POLE: variants seen among roughly 807,000 people sequenced by gnomAD.
POLE encodes DNA polymerase epsilon catalytic subunit A.
A neutral mutation model predicts 279.2 loss-of-function variants in POLE; 188 were observed. The observed-to-expected ratio is 0.67, with a 90% CI of 0.60 to 0.76. POLE has a LOEUF of 0.76. Among genes scored for constraint, POLE ranks in the 30% least tolerant of loss-of-function variants. The probability of loss-of-function intolerance (pLI) is 0.00; values close to 1 mark genes in which losing one functional copy is unlikely to be tolerated. For missense variants in POLE, 2,703 were observed against 3,016.7 expected (o/e 0.90, Z 2.44); for synonymous variants, 1,214 against 1,172.5 (o/e 1.04, Z -0.72).
At position 132,672,140 on chromosome 12, in the gene POLE, C is replaced by A. The variant is rs1030223015; in HGVS notation, c.1794+75G>T. 5.0e-6 allele frequency: 5 copies of A among 1,008,504 alleles called. No homozygotes were observed. In the South Asian group the frequency reaches 6.4e-5, roughly 13 times the overall value. 62.5% of individuals were successfully genotyped at this position (1,008,504 alleles called of 1,614,324 possible). On this transcript the variant is annotated intron_variant, in intron 16 of 48. Transcript: ENST00000320574. ...CCACACGCAGCAGGTGCACAATAAA[C>A]GTGCTGCTGAAAGACGTGGTCTGTG...
At chr12:132,672,575 C>G in intron 15 of POLE, 52 bp downstream of exon 15, 2 of 1,564,380 alleles carry the variant, frequency 1.3e-6, no homozygotes, top group Non-Finnish European at 1.8e-6. Context: ...GCTTCTGGGT[C>G]CTACCACAGC....
rs1555222501 is a variant in POLE, at chr12:132,642,331, AAAG to A, written c.5016_5018del (p.Phe1673del). The A allele has an allele frequency of 6.3e-7, 1 of 1,596,800 alleles. No individual in the cohort carries two copies. The highest frequency in any genetic ancestry group is 1.1e-5 in the South Asian group (1 of 88,436). On this transcript the variant is annotated inframe_deletion, in exon 38 of 49. Transcript: ENST00000320574. ...GGTTGTGGCGCTGGAGGTGGCGGGCAAAGAAGAGGTCGGAGCCGAATGTGGAGA... is the reference window on the plus strand; with the variant it reads ...GGTTGTGGCGCTGGAGGTGGCGGGCAAAGAGGTCGGAGCCGAATGTGGAGA...
In POLE at chr12:132,643,902, C is replaced by T. The variant is rs1060500845; in HGVS notation, c.4225G>A (p.Glu1409Lys). 7 of 1,614,112 alleles carry T rather than the reference C, an allele frequency of 4.3e-6. No homozygotes were observed. The highest frequency in any genetic ancestry group is 5.9e-6 in the Non-Finnish European group (7 of 1,179,996). Residue 1409 changes from glutamate (E) to lysine (K), a missense_variant, in exon 33 of 49, where the codon GAA becomes AAA. Glu to Lys is a moderately conservative substitution (Grantham distance 56). Around this residue, in one of 5 missense-constraint regions of POLE, gnomAD observed 1,551 missense variants for 1,686.1 expected, o/e 0.92. Transcript: ENST00000320574. The part of the protein sequence containing the change: ...EYSVPEDMYQ[E>K]HINEINAELS... ...TCAGCGTTGATCTCGTTGATGTGTT[C>T]CTGGTACATGTCCTCTGGCACTGAA... is the stretch of plus-strand genomic sequence containing the variant.
At position 132,642,390 on chromosome 12, in the gene POLE, G is replaced by T. The variant is rs921869509; in HGVS notation, c.4960C>A (p.His1654Asn). Residue 1654 changes from histidine to asparagine, a missense_variant, in exon 38 of 49, where the codon CAC (histidine) becomes AAC (asparagine). His to Asn is a moderately conservative substitution (Grantham distance 68). Around this residue, in one of 5 missense-constraint regions of POLE, gnomAD observed 1,551 missense variants for 1,686.1 expected, o/e 0.92. Coordinates refer to ENST00000320574, the MANE Select transcript of POLE (RefSeq NM_006231.4). ...SQAFEMSRYF[H>N]IPIGNLPEDI... ...TCTGGTAGGTTCCCAATGGGAATGT[G>T]AAAGTACCTGCACCAGGGCACAGGT... The T allele has an allele frequency of 2.5e-6, 4 of 1,578,358 alleles. No homozygotes were observed. Among genetic ancestry groups the T allele is most frequent in the Non-Finnish European group, 3.5e-6 (4 of 1,158,650 alleles).
Position 132,675,889 on chromosome 12 carries a change from C to A in POLE, c.1021-69G>T. 2 of 1,336,804 alleles carry A rather than the reference C, an allele frequency of 1.5e-6. No homozygotes were observed. Among genetic ancestry groups the A allele is most frequent in the Non-Finnish European group, 2.2e-6 (2 of 929,808 alleles). 82.8% of individuals were successfully genotyped at this position (1,336,804 alleles called of 1,614,324 possible). On this transcript the variant is annotated intron_variant, in intron 10 of 48. Coordinates refer to ENST00000320574, the MANE Select transcript of POLE (RefSeq NM_006231.4). The surrounding 1 kb of genome is among the most constrained non-coding windows in gnomAD (Gnocchi z 4.3). ...TTCAAGCTATTCCAAATTCCTCTCC[C>A]AAAGTTCAGAAGCAGCAGCCTCATG...
In POLE at chr12:132,634,295, TTCC is replaced by T. The variant is rs757774039; in HGVS notation, c.5892_5894del (p.Glu1966del). On this transcript the variant is annotated inframe_deletion, in exon 43 of 49. Coordinates refer to ENST00000320574, the MANE Select transcript of POLE (RefSeq NM_006231.4). The surrounding 1 kb of genome is among the most constrained non-coding windows in gnomAD (Gnocchi z 4.0). Reference sequence around the variant, plus strand: ...CCTCCACGTTGGATTCCTCCGCCTCTTCCTCCTCCTCCCCATCTCTTTCCTCCT... The same window carrying T: ...CCTCCACGTTGGATTCCTCCGCCTCTTCCTCCTCCCCATCTCTTTCCTCCT... 1.2e-6 allele frequency: 2 copies of T among 1,614,216 alleles called. No individual in the cohort carries two copies. The highest frequency in any genetic ancestry group is 1.7e-6 in the Non-Finnish European group (2 of 1,180,014).
At position 132,664,106 on chromosome 12, in the gene POLE, C is replaced by A; in HGVS notation, c.2604G>T (p.Leu868=). 6.2e-7 allele frequency: 1 copy of A among 1,614,212 alleles called. No individual in the cohort carries two copies. Among genetic ancestry groups the A allele is most frequent in the Non-Finnish European group, 8.5e-7 (1 of 1,180,026 alleles). The change falls in exon 23 of 49, where the codon CTG becomes CTT. Residue 868 remains leucine, a synonymous_variant. Coordinates refer to ENST00000320574, the MANE Select transcript of POLE (RefSeq NM_006231.4). This position sits in a 1 kb window ranked among gnomAD's most constrained non-coding sequence, Gnocchi z 5.3. The stretch of plus-strand genomic sequence containing the variant: ...CAAAATTTTCTGGGAAGCTGTTGGG[C>A]AGGACGCACCATATACCATCTGTGT... The part of the protein sequence containing the change: ...ELDTDGIWCV[L]PNSFPENFVF...
At chr12:132,629,098 T>C (rs1171327339) in intron 45 of POLE, among the ~76,000 whole-genome samples, 1 of 152,258 alleles carries the variant, frequency 6.6e-6, no homozygotes, top group African/African-American at 2.4e-5. Flanking sequence ...CCTTGATCCA[T>C]GGGCTGCAGA....
Position 132,629,439 on chromosome 12 carries a change from C to T in POLE, c.6330+2876G>A, listed in dbSNP as rs1489558523. 6.6e-5 allele frequency among the ~76,000 whole-genome samples: 10 copies of T among 152,352 alleles called. No homozygotes were observed. In the East Asian group the frequency reaches 1.5e-3, roughly 23 times the overall value. ...AATATGTTGTCAGTGTAGCCACCTT[C>T]GCCAATGATCCCAGACAGATCTTCT... On this transcript the variant is annotated intron_variant, in intron 45 of 48. Transcript: ENST00000320574.
At position 132,681,352 on chromosome 12, in the gene POLE, C is replaced by CTT. The variant is rs375211474; in HGVS notation, c.63-75_63-74dup. ...TGCTGCTTCTTTTTTTCTTTTTTTT[C>CTT]TTTTTTTTTGAGACGGAGTCTTGCT... On this transcript the variant is annotated intron_variant, in intron 1 of 48. Transcript: ENST00000320574. 4.9e-6 allele frequency: 7 copies of CTT among 1,441,026 alleles called. No individual in the cohort carries two copies. In the African/African-American group the frequency reaches 1.0e-4, roughly 21 times the overall value. 89.3% of individuals were successfully genotyped at this position (1,441,026 alleles called of 1,614,324 possible).
Position 132,642,243 on chromosome 12 carries a change from A to G in POLE, c.5107T>C (p.Cys1703Arg), listed in dbSNP as rs756274721. 1 of 1,611,358 alleles carries G rather than the reference A, an allele frequency of 6.2e-7. No individual in the cohort carries two copies. Among genetic ancestry groups the G allele is most frequent in the South Asian group, 1.1e-5 (1 of 90,548 alleles). ...DLGGKEADDN[C>R]LVMEFDDQAT... ...TGGTCATCGAACTCCATGACAAGACAGTTGTCATCAGCCTCCTTTCCACCC... is the reference window on the plus strand; with the variant it reads ...TGGTCATCGAACTCCATGACAAGACGGTTGTCATCAGCCTCCTTTCCACCC... Residue 1703 changes from cysteine (C) to arginine (R), a missense_variant, in exon 38 of 49, where the codon TGT (cysteine) becomes CGT (arginine). By Grantham distance (180) the Cys-to-Arg change is radical. This residue lies in a region of POLE where 1,551 missense variants were observed against 1,686.1 expected (regional missense o/e 0.92). Coordinates refer to ENST00000320574, the MANE Select transcript of POLE (RefSeq NM_006231.4).
At chr12:132,657,820 A>C in intron 27 of POLE, 48 bp downstream of exon 27, 1 of 1,289,344 alleles carries the variant, frequency 7.8e-7, no homozygotes. Context: ...TGCTCTGTCT[A>C]GCTTTCCTTG....
At chr12:132,643,585 G>A (rs760529710) in intron 33 of POLE, 25 bp from the exon 34 acceptor site, 16 of 1,613,444 alleles carry the variant, frequency 9.9e-6, no homozygotes, top group African/African-American at 2.7e-5. Flanking sequence ...CAGACAGGCC[G>A]GCAAGGGCTG....
intron 33 of POLE, 25 bp downstream of exon 33, chr12:132,643,812 C>G (rs2138557564): frequency 3.1e-6 from 5 of 1,607,660 alleles, no homozygotes; most frequent in Non-Finnish European, 4.3e-6. Context: ...TCCCCCAGTT[C>G]AGTCGAGGGT....
intron 32 of POLE, among the ~76,000 whole-genome samples, chr12:132,646,816 G>A (rs996604892): frequency 6.6e-6 from 1 of 151,938 alleles, no homozygotes; most frequent in East Asian, 1.9e-4. Flanking sequence ...GGCAACAGGA[G>A]AGAAACTCCA....
In POLE at chr12:132,679,610, C is replaced by G. The variant is rs1340414570; in HGVS notation, c.465G>C (p.Leu155=). The G allele has an allele frequency of 6.2e-7, 1 of 1,613,444 alleles. No homozygotes were observed. Reference sequence around the variant, plus strand: ...CAAGATCCTCCACAGTGTGGAAGGACAGCCTGATGTAATTTCGCTTCAAAC... The same window carrying G: ...CAAGATCCTCCACAGTGTGGAAGGAGAGCCTGATGTAATTTCGCTTCAAAC... ...LVGLKRNYIR[L]SFHTVEDLVK... is the part of the protein sequence containing the mutation. Residue 155 remains leucine, a synonymous_variant, in exon 6 of 49, where the codon CTG becomes CTC. Transcript: ENST00000320574.
chr12:132,670,705 G>A (rs2042908497), intron 16 of POLE, among the ~76,000 whole-genome samples: 1 of 152,012 alleles, frequency 6.6e-6, no homozygotes, highest in African/African-American at 2.4e-5. Context: ...GTGTTAGCCA[G>A]GATGGTCTCA....
intron 41 of POLE, among the ~76,000 whole-genome samples, chr12:132,636,347 T>C (rs758764086): frequency 6.9e-6 from 1 of 145,852 alleles, no homozygotes; most frequent in Non-Finnish European, 1.5e-5. Context: ...TGCTTCCCAC[T>C]GCCAAGCTCT....
At chr12:132,654,900 T>C (rs2138642652) in intron 29 of POLE, among the ~76,000 whole-genome samples, 1 of 152,350 alleles carries the variant, frequency 6.6e-6, no homozygotes, top group South Asian at 2.1e-4. Context: ...ACCTCTTTCT[T>C]TTCTTTCTTG....
Sources: allele counts gnomAD v4.1 joint callset (sites outside exome capture counted in the v4.1 genomes callset), GRCh38; gene constraint gnomAD v4.1.1; regional missense constraint gnomAD v4.1.1; non-coding constraint Gnocchi (gnomAD v3.1); transcripts MANE v1.5; gene names NCBI Gene and HGNC (gene_info 2026-07-23, HGNC 2026-07-21).